Variants in PLCB1 observed in about 807,000 individuals in gnomAD.
The protein encoded by PLCB1 is 1-phosphatidylinositol 4,5-bisphosphate phosphodiesterase beta-1.
PLCB1 carries 46 observed loss-of-function variants against 161.8 expected under a neutral mutation model. That is an observed-to-expected ratio of 0.28 (90% confidence interval 0.22 to 0.36). PLCB1 has a LOEUF of 0.36. Among genes scored for constraint, PLCB1 ranks in the 10% least tolerant of loss-of-function variants. The pLI is 1.00. For synonymous variants in PLCB1, 517 were observed against 503.7 expected, an observed-to-expected ratio of 1.03 and a Z score of -0.35; for missense variants, 1,016 against 1,472.5, an observed-to-expected ratio of 0.69 and a Z score of 5.07.
intron 3 of PLCB1, among the ~76,000 whole-genome samples, chr20:8,568,191 G>A (rs76387483): frequency 0.01 from 1,565 of 152,244 alleles, 22 homozygotes; most frequent in African/African-American, 0.035. Context: ...AATATATGCT[G>A]GATAAAGTGT....
At chr20:8,480,314 A>AC (rs1600097844) in intron 3 of PLCB1, among the ~76,000 whole-genome samples, 3 of 151,930 alleles carry the variant, frequency 2.0e-5, no homozygotes, top group East Asian at 3.9e-4. Context: ...AGAGAAAAAC[A>AC]ACAGATTTGG....
At chr20:8,381,946 A>G (rs529194239) in intron 3 of PLCB1, among the ~76,000 whole-genome samples, 2 of 152,116 alleles carry the variant, frequency 1.3e-5, no homozygotes, top group African/African-American at 4.8e-5. Context: ...TCATGTCTCT[A>G]TCTCCTTCAG....
chr20:8,771,521 A>G (rs1421454641), intron 26 of PLCB1, among the ~76,000 whole-genome samples: 1 of 152,082 alleles, frequency 6.6e-6, no homozygotes, highest in Non-Finnish European at 1.5e-5. Flanking sequence ...TGACTCTTCC[A>G]AGAGAGACAA....
chr20:8,792,430 G>A (rs1983803667), intron 31 of PLCB1, among the ~76,000 whole-genome samples: 1 of 152,172 alleles, frequency 6.6e-6, no homozygotes, highest in South Asian at 2.1e-4. Context: ...AAATAGAGGG[G>A]AAATAGCAAC....
intron 31 of PLCB1, among the ~76,000 whole-genome samples, chr20:8,796,822 C>T (rs1277386584): frequency 1.3e-5 from 2 of 152,146 alleles, no homozygotes; most frequent in African/African-American, 2.4e-5. Flanking sequence ...CTTTTAAACA[C>T]ATAAGACATT....
intron 23 of PLCB1, among the ~76,000 whole-genome samples, chr20:8,754,282 A>T (rs1981627494): frequency 3.9e-5 from 6 of 152,220 alleles, no homozygotes; most frequent in Admixed American, 3.3e-4. Context: ...TCCCAAGGGC[A>T]TACAGCTACA....
At chr20:8,533,174 C>A (rs1353766287) in intron 3 of PLCB1, among the ~76,000 whole-genome samples, 1 of 152,080 alleles carries the variant, frequency 6.6e-6, no homozygotes, top group Non-Finnish European at 1.5e-5. Flanking sequence ...TCATCCATGT[C>A]CCCAAAAAGG....
chr20:8,299,454 A>G (rs992331978), intron 2 of PLCB1, among the ~76,000 whole-genome samples: 1 of 152,088 alleles, frequency 6.6e-6, no homozygotes, highest in Admixed American at 6.6e-5. Context: ...CCCATTCTCA[A>G]TCAACAGTCT....
chr20:8,421,725 C>G (rs528119764), intron 3 of PLCB1, among the ~76,000 whole-genome samples: 101 of 152,290 alleles, frequency 6.6e-4, no homozygotes, highest in African/African-American at 2.3e-3. Flanking sequence ...CTGAATTTGT[C>G]TTTAGTAACT....
At chr20:8,524,389 T>G (rs1229127360) in intron 3 of PLCB1, among the ~76,000 whole-genome samples, 1 of 152,130 alleles carries the variant, frequency 6.6e-6, no homozygotes, top group African/African-American at 2.4e-5. Context: ...AGTTTCTTTC[T>G]ACAGGATACC....
intron 10 of PLCB1, 52 bp from the exon 11 acceptor site, chr20:8,697,574 G>A (rs543285510): frequency 9.6e-5 from 153 of 1,590,574 alleles, no homozygotes; most frequent in East Asian, 2.5e-4. Context: ...AAAGCACCAC[G>A]GTCATCCTTG....
At chr20:8,497,455 T>C (rs1983227659) in intron 3 of PLCB1, among the ~76,000 whole-genome samples, 1 of 152,220 alleles carries the variant, frequency 6.6e-6, no homozygotes, top group Admixed American at 6.5e-5. Context: ...TTATTAAATA[T>C]GTTTCGAGAA....
At chr20:8,248,853 A>G (rs1981007470) in intron 2 of PLCB1, 1 of 151,896 alleles carries the variant, frequency 6.6e-6, no homozygotes, top group Non-Finnish European at 1.5e-5. Context: ...CAGCTTTAAT[A>G]TTATCCCCGT....
At chr20:8,499,197 C>A (rs112729632) in intron 3 of PLCB1, among the ~76,000 whole-genome samples, 2 of 152,190 alleles carry the variant, frequency 1.3e-5, no homozygotes, top group African/African-American at 2.4e-5. Flanking sequence ...CAAGGAATAA[C>A]TATAATAGCT....
chr20:8,536,288 G>GA (rs949712741), intron 3 of PLCB1, among the ~76,000 whole-genome samples: 2 of 151,980 alleles, frequency 1.3e-5, no homozygotes, highest in South Asian at 2.1e-4. Flanking sequence ...AAAAAATTTG[G>GA]AAAAAAACCA....
chr20:8,607,597 C>G (rs1012530602), intron 3 of PLCB1, among the ~76,000 whole-genome samples: 1 of 152,094 alleles, frequency 6.6e-6, no homozygotes, highest in African/African-American at 2.4e-5. Flanking sequence ...TGGTGTAGCC[C>G]CTTTTTCTTT....
At chr20:8,736,988 C>G (rs1555786956) in intron 19 of PLCB1, 40 bp from the exon 20 acceptor site, 1 of 1,514,454 alleles carries the variant, frequency 6.6e-7, no homozygotes, top group Non-Finnish European at 9.1e-7. Flanking sequence ...ATTTGCATAT[C>G]AAAATTCCTT....
intron 31 of PLCB1, among the ~76,000 whole-genome samples, chr20:8,817,433 G>A (rs1343149967): frequency 1.3e-5 from 2 of 152,036 alleles, no homozygotes; most frequent in African/African-American, 2.4e-5. Flanking sequence ...CTCACTGGGG[G>A]GTTTGAAGCC....
chr20:8,733,728 A>G (rs1347861680), intron 19 of PLCB1, among the ~76,000 whole-genome samples: 2 of 150,516 alleles, frequency 1.3e-5, no homozygotes, highest in Non-Finnish European at 1.5e-5. Context: ...AGCATGGCAC[A>G]TGTATACATA....
Sources: gnomAD v4.1 joint callset for allele counts (sites outside exome capture counted in the v4.1 genomes callset) on GRCh38, gnomAD v4.1.1 for gene constraint, MANE v1.5 for transcripts, NCBI Gene and HGNC (gene_info 2026-07-23, HGNC 2026-07-21) for gene names.